Variants in PCDH9 observed in about 807,000 individuals in gnomAD.
PCDH9 encodes protocadherin-9.
A neutral mutation model predicts 70.6 loss-of-function variants in PCDH9; 24 were observed. The ratio of observed to expected loss-of-function variants is 0.34; its 90% confidence interval spans 0.25 to 0.48. The LOEUF is 0.48. Ranked by LOEUF, PCDH9 falls within the 20% of genes least tolerant of loss-of-function variation. PCDH9 has a pLI of 0.99. For missense variants in PCDH9, 1,281 were observed against 1,503.6 expected, an observed-to-expected ratio of 0.85 and a Z score of 2.45; for synonymous variants, 562 against 558.5, an observed-to-expected ratio of 1.01 and a Z score of -0.09.
chr13:66,861,424 A>C (rs1322310563), intron 3 of PCDH9, among the ~76,000 whole-genome samples: 1 of 152,168 alleles, frequency 6.6e-6, no homozygotes, highest in Non-Finnish European at 1.5e-5. Context: ...ACATTATCTA[A>C]AAGAGCTGCA....
At chr13:66,455,278 ATATT>A (rs1373658075) in intron 4 of PCDH9, among the ~76,000 whole-genome samples, 25 of 151,574 alleles carry the variant, frequency 1.6e-4, no homozygotes, top group Admixed American at 1.2e-3. Flanking sequence ...TGTTATATAT[ATATT>A]TATTATAAAA....
At chr13:66,550,295 A>G (rs1248268783) in intron 4 of PCDH9, among the ~76,000 whole-genome samples, 1 of 152,072 alleles carries the variant, frequency 6.6e-6, no homozygotes, top group African/African-American at 2.4e-5. Context: ...AAATTAAAAT[A>G]TACTTAGTAT....
intron 3 of PCDH9, among the ~76,000 whole-genome samples, chr13:66,779,849 C>CTCTCTCTCTCTCTATATATATATA (rs1395244975): frequency 8.9e-5 from 7 of 78,906 alleles, no homozygotes; most frequent in African/African-American, 3.1e-4. Flanking sequence ...CTCTCTCTCT[C>CTCTCTCTCTCTCTATATATATATA]TATATATATA....
chr13:66,370,569 G>A (rs1465940163), intron 4 of PCDH9, among the ~76,000 whole-genome samples: 1 of 148,762 alleles, frequency 6.7e-6, no homozygotes, highest in East Asian at 2.0e-4. Flanking sequence ...GGAGTGCAGT[G>A]GTGTGATCAT....
intron 2 of PCDH9, among the ~76,000 whole-genome samples, chr13:67,116,271 A>G (rs1368796846): frequency 1.3e-5 from 2 of 152,162 alleles, no homozygotes; most frequent in African/African-American, 4.8e-5. Flanking sequence ...AATTCAGTGA[A>G]AGCATTATAT....
chr13:67,027,984 G>GT lies in PCDH9; in HGVS notation c.3037-124380dup, dbSNP rs1471346176. 4.0e-5 allele frequency among the ~76,000 whole-genome samples: 6 copies of GT among 149,994 alleles called. No individual in the cohort carries two copies. The East Asian group carries it at 1.2e-3, about 30-fold the overall frequency. ...ACACTGTTGGTGGGACTGTAAACTA[G>GT]TTCAACCATTGTGGAAGTCAGTGTG... is the stretch of plus-strand genomic sequence containing the variant. On this transcript the variant is annotated intron_variant, in intron 2 of 4. Transcript: ENST00000377865.
At chr13:67,171,498 C>CT (rs1199980347) in intron 2 of PCDH9, among the ~76,000 whole-genome samples, 2 of 152,130 alleles carry the variant, frequency 1.3e-5, no homozygotes, top group East Asian at 1.9e-4. Flanking sequence ...AGTTGGAAGC[C>CT]TTGAAACAAA....
chr13:66,964,936 A>C (rs2083407531), intron 2 of PCDH9, among the ~76,000 whole-genome samples: 1 of 151,956 alleles, frequency 6.6e-6, no homozygotes, highest in Non-Finnish European at 1.5e-5. Flanking sequence ...TATTAAATAT[A>C]TATATATTCA....
intron 4 of PCDH9, among the ~76,000 whole-genome samples, chr13:66,623,496 G>C (rs2077458123): frequency 6.6e-6 from 1 of 152,018 alleles, no homozygotes; most frequent in Non-Finnish European, 1.5e-5. Context: ...TGGAGTGCCT[G>C]GGCACGATCA....
intron 4 of PCDH9, among the ~76,000 whole-genome samples, chr13:66,498,463 G>A (rs1594069645): frequency 6.6e-6 from 1 of 152,040 alleles, no homozygotes; most frequent in East Asian, 1.9e-4. Context: ...CAGGCAAGGA[G>A]TGTTGAAAGA....
chr13:67,151,091 A>C (rs962202593), intron 2 of PCDH9, among the ~76,000 whole-genome samples: 1 of 152,138 alleles, frequency 6.6e-6, no homozygotes, highest in Non-Finnish European at 1.5e-5. Flanking sequence ...AAAATTCTCC[A>C]TCTTTTTCAA....
intron 3 of PCDH9, among the ~76,000 whole-genome samples, chr13:66,752,815 G>C (rs1328316926): frequency 6.6e-6 from 1 of 152,172 alleles, no homozygotes; most frequent in Non-Finnish European, 1.5e-5. Flanking sequence ...GATTAGACTT[G>C]ATGTTCAGAA....
intron 2 of PCDH9, chr13:67,221,994 C>T (rs555677436): frequency 6.6e-6 from 1 of 152,272 alleles, no homozygotes; most frequent in East Asian, 1.9e-4. Flanking sequence ...TATTTTCAGT[C>T]CTGACCTCAG....
At chr13:67,134,195 C>G (rs1028514474) in intron 2 of PCDH9, among the ~76,000 whole-genome samples, 4 of 152,074 alleles carry the variant, frequency 2.6e-5, no homozygotes, top group African/African-American at 9.7e-5. Flanking sequence ...AACTAAAGCC[C>G]TAATGGTTGT....
intron 3 of PCDH9, among the ~76,000 whole-genome samples, chr13:66,641,447 A>G (rs1439820186): frequency 6.6e-6 from 1 of 152,216 alleles, no homozygotes; most frequent in African/African-American, 2.4e-5. Context: ...AATGTAGGTA[A>G]AGATCCTAAT....
chr13:66,519,956 A>G (rs1256940311), intron 4 of PCDH9, among the ~76,000 whole-genome samples: 4 of 152,042 alleles, frequency 2.6e-5, no homozygotes, highest in Admixed American at 1.3e-4. Flanking sequence ...TTTTTGACTG[A>G]CGTGTATTTT....
At chr13:66,394,191 C>T (rs1957065909) in intron 4 of PCDH9, among the ~76,000 whole-genome samples, 1 of 152,082 alleles carries the variant, frequency 6.6e-6, no homozygotes, top group African/African-American at 2.4e-5. Context: ...TTAGGGGTCA[C>T]TCACCTAAAT....
chr13:66,679,012 T>G (rs1290528627), intron 3 of PCDH9, among the ~76,000 whole-genome samples: 2 of 151,478 alleles, frequency 1.3e-5, no homozygotes, highest in Non-Finnish European at 3.0e-5. Flanking sequence ...TGCATTATAT[T>G]TAACCTACCC....
At chr13:66,427,957 A>G (rs934098203) in intron 4 of PCDH9, among the ~76,000 whole-genome samples, 1 of 151,736 alleles carries the variant, frequency 6.6e-6, no homozygotes, top group Admixed American at 6.6e-5. Flanking sequence ...CAAGATAATT[A>G]ATATTATATG....
Sources: gnomAD v4.1 joint callset for allele counts (sites outside exome capture counted in the v4.1 genomes callset) on GRCh38, gnomAD v4.1.1 for gene constraint, MANE v1.5 for transcripts, NCBI Gene and HGNC (gene_info 2026-07-23, HGNC 2026-07-21) for gene names.